Variants in CACNA2D3 observed in about 807,000 individuals in gnomAD.
CACNA2D3 encodes the protein voltage-dependent calcium channel subunit alpha-2/delta-3.
Under a neutral mutation model 160.6 loss-of-function variants are expected in CACNA2D3, and 60 were observed. The observed-to-expected ratio is 0.37, with a 90% confidence interval of 0.30 to 0.46. The LOEUF (loss-of-function observed/expected upper bound fraction) is 0.46. Ranked by LOEUF, CACNA2D3 falls within the 20% of genes least tolerant of loss-of-function variation. CACNA2D3 has a pLI of 1.00. For missense variants in CACNA2D3, 1,205 were observed against 1,365.0 expected (o/e 0.88, Z 1.85); for synonymous variants, 558 against 492.9 (o/e 1.13, Z -1.75).
At chr3:55,002,208 T>C (rs961866843) in intron 31 of CACNA2D3, among the ~76,000 whole-genome samples, 12 of 152,056 alleles carry the variant, frequency 7.9e-5, no homozygotes, top group South Asian at 2.1e-4. Context: ...GGACCAACTT[T>C]TGAAACCATG....
intron 4 of CACNA2D3, among the ~76,000 whole-genome samples, chr3:54,494,825 TGAGAGAGAGGGA>T (rs1344908542): frequency 1.3e-5 from 2 of 151,576 alleles, no homozygotes; most frequent in East Asian, 3.9e-4. Context: ...TGGCGGCAGG[TGAGAGAGAGGGA>T]GAGAGAGAGA....
At chr3:54,588,512 C>A (rs1330361537) in intron 9 of CACNA2D3, among the ~76,000 whole-genome samples, 1 of 152,084 alleles carries the variant, frequency 6.6e-6, no homozygotes, top group African/African-American at 2.4e-5. Flanking sequence ...AGTAAAACTT[C>A]CTATTTTCAG....
intron 27 of CACNA2D3, among the ~76,000 whole-genome samples, chr3:54,907,861 A>G (rs1259871842): frequency 6.6e-6 from 1 of 152,164 alleles, no homozygotes; most frequent in African/African-American, 2.4e-5. Context: ...TTCATTTAAC[A>G]TAATGTTTTT....
chr3:54,428,125 C>T (rs745324779), intron 4 of CACNA2D3, among the ~76,000 whole-genome samples: 2 of 152,162 alleles, frequency 1.3e-5, no homozygotes, highest in Non-Finnish European at 2.9e-5. Context: ...TAATTACTAC[C>T]TCAGTGTTTG....
At chr3:54,504,221 T>A (rs1433881065) in intron 5 of CACNA2D3, among the ~76,000 whole-genome samples, 1 of 152,196 alleles carries the variant, frequency 6.6e-6, no homozygotes, top group Non-Finnish European at 1.5e-5. Context: ...AATTCCTTAT[T>A]TCCAGGCTTG....
intron 4 of CACNA2D3, among the ~76,000 whole-genome samples, chr3:54,422,252 A>T (rs1699847669): frequency 6.6e-6 from 1 of 152,144 alleles, no homozygotes; most frequent in African/African-American, 2.4e-5. Context: ...GACACTAAAG[A>T]TTTTTCAAAA....
At chr3:54,475,788 ATCT>A (rs1437157096) in intron 4 of CACNA2D3, among the ~76,000 whole-genome samples, 53 of 92,328 alleles carry the variant, frequency 5.7e-4, no homozygotes, top group Non-Finnish European at 9.3e-4. Flanking sequence ...TAACATATCC[ATCT>A]TCTCACATGG....
At chr3:54,486,734 C>T (rs1701021035) in intron 4 of CACNA2D3, among the ~76,000 whole-genome samples, 1 of 152,122 alleles carries the variant, frequency 6.6e-6, no homozygotes, top group Non-Finnish European at 1.5e-5. Flanking sequence ...TCCCAGCATA[C>T]CCAGCATTCC....
chr3:54,821,672 C>CT (rs1216641131), intron 14 of CACNA2D3, among the ~76,000 whole-genome samples: 1 of 120,302 alleles, frequency 8.3e-6, no homozygotes. Context: ...TTCTTTCTTT[C>CT]TTTCTTTCTT....
chr3:54,162,457 G>C (rs1265575972), intron 2 of CACNA2D3, among the ~76,000 whole-genome samples: 1 of 152,112 alleles, frequency 6.6e-6, no homozygotes, highest in Non-Finnish European at 1.5e-5. Flanking sequence ...CTCTGTCTAG[G>C]ATGGTTTGGG....
At chr3:54,824,851 A>C (rs2694112) in intron 14 of CACNA2D3, among the ~76,000 whole-genome samples, 3,349 of 152,294 alleles carry the variant, frequency 0.022, 113 homozygotes, top group African/African-American at 0.074. Flanking sequence ...TGTTTAATAC[A>C]GACACATTTA....
intron 11 of CACNA2D3, among the ~76,000 whole-genome samples, chr3:54,699,825 T>C (rs934230880): frequency 4.6e-5 from 7 of 152,202 alleles, no homozygotes; most frequent in African/African-American, 1.7e-4. Context: ...ATAATATTAA[T>C]TTGGCTTTTC....
chr3:55,030,515 A>G (rs73845254), intron 35 of CACNA2D3, among the ~76,000 whole-genome samples: 1,542 of 152,252 alleles, frequency 0.01, 31 homozygotes, highest in African/African-American at 0.035. Context: ...CTTGGCTTTA[A>G]ATTTTAAAAA....
intron 11 of CACNA2D3, among the ~76,000 whole-genome samples, chr3:54,657,875 A>G (rs2106875326): frequency 6.6e-6 from 1 of 152,236 alleles, no homozygotes. Flanking sequence ...CTAAAAATAC[A>G]AAAATTAGCC....
chr3:54,539,651 A>G (rs1303838098), intron 5 of CACNA2D3, among the ~76,000 whole-genome samples: 1 of 152,188 alleles, frequency 6.6e-6, no homozygotes, highest in African/African-American at 2.4e-5. Context: ...GAAGGGTGAG[A>G]ATATGTTCTG....
chr3:55,042,501 T>C (rs191157461), intron 35 of CACNA2D3, among the ~76,000 whole-genome samples: 94 of 152,332 alleles, frequency 6.2e-4, no homozygotes, highest in Non-Finnish European at 2.5e-4. Flanking sequence ...GTTACATCTT[T>C]TACCATCTTT....
At chr3:54,811,461 A>G (rs1575489487) in intron 13 of CACNA2D3, among the ~76,000 whole-genome samples, 1 of 114,762 alleles carries the variant, frequency 8.7e-6, no homozygotes, top group African/African-American at 3.2e-5. Context: ...GTTCTCCCTC[A>G]GTTCTTTTTT....
intron 34 of CACNA2D3, among the ~76,000 whole-genome samples, chr3:55,012,636 TGG>T (rs1286553223): frequency 6.6e-6 from 1 of 152,142 alleles, no homozygotes. Context: ...GGGGAATGGC[TGG>T]AGACATTTTT....
intron 27 of CACNA2D3, among the ~76,000 whole-genome samples, chr3:54,943,851 C>G (rs1009972263): frequency 2.0e-5 from 3 of 152,178 alleles, no homozygotes. Context: ...TCATCTCCCC[C>G]TTTCTCCTAA....
Sources: allele counts gnomAD v4.1 joint callset (sites outside exome capture counted in the v4.1 genomes callset), GRCh38; gene constraint gnomAD v4.1.1; transcripts MANE v1.5; gene names NCBI Gene and HGNC (gene_info 2026-07-23, HGNC 2026-07-21).